Variants in HEATR4 observed in about 807,000 individuals in gnomAD.
HEATR4 encodes the protein HEAT repeat containing 4, also known as HEAT repeat-containing protein 4.
In HEATR4, 95 loss-of-function variants were observed where a neutral mutation model predicts 108.8. The observed-to-expected ratio is 0.87, with a 90% confidence interval of 0.74 to 1.04. The LOEUF (loss-of-function observed/expected upper bound fraction) is 1.04, where lower values mean the gene tolerates loss of function less well. HEATR4 is among the 50% of genes least tolerant of loss of function. The pLI, the probability that HEATR4 is intolerant of heterozygous loss-of-function variation, is 0.00. For synonymous variants in HEATR4, 443 were observed against 459.4 expected, an observed-to-expected ratio of 0.96 and a Z score of 0.46; for missense variants, 1,152 against 1,253.8, an observed-to-expected ratio of 0.92 and a Z score of 1.23.
chr14:73,562,680 C>T (rs1299673178), upstream of HEATR4, among the ~76,000 whole-genome samples: 4 of 152,004 alleles, frequency 2.6e-5, no homozygotes, highest in East Asian at 3.9e-4. Context: ...TATAAACGGC[C>T]GCTCTGGGAA....
At chr14:73,507,344 C>T (rs1284785724) in intron 9 of HEATR4, among the ~76,000 whole-genome samples, 2 of 152,126 alleles carry the variant, frequency 1.3e-5, no homozygotes, top group Non-Finnish European at 2.9e-5. Context: ...TTGTATACAC[C>T]TCTACACCCA....
upstream of HEATR4, among the ~76,000 whole-genome samples, chr14:73,562,460 G>C (rs920488190): frequency 6.6e-6 from 1 of 151,894 alleles, no homozygotes; most frequent in Non-Finnish European, 1.5e-5. Context: ...CCTTGAAAAA[G>C]AACAGAATAA....
At chr14:73,502,600 T>A (rs948828598) in intron 11 of HEATR4, among the ~76,000 whole-genome samples, 20 of 151,736 alleles carry the variant, frequency 1.3e-4, no homozygotes, top group African/African-American at 4.6e-4. Context: ...CAGGCTGGAG[T>A]GCAGTGGCGC....
chr14:73,596,799 A>G, the HEATR4 span, among the ~76,000 whole-genome samples: 20 of 151,930 alleles, frequency 1.3e-4, no homozygotes, highest in African/African-American at 2.2e-4. Flanking sequence ...GGGTTTCACT[A>G]TGTTGGCCAG....
the HEATR4 span, among the ~76,000 whole-genome samples, chr14:73,573,851 C>T: frequency 2.0e-5 from 3 of 152,082 alleles, no homozygotes; most frequent in East Asian, 3.9e-4. Context: ...CCCACCCTCC[C>T]GAGTAGTTGG....
chr14:73,588,932 G>C, the HEATR4 span, among the ~76,000 whole-genome samples: 1 of 151,774 alleles, frequency 6.6e-6, no homozygotes, highest in African/African-American at 2.4e-5. Context: ...ATATTTTAAA[G>C]CAGTTTCAGG....
chr14:73,587,907 AAC>A, the HEATR4 span, among the ~76,000 whole-genome samples: 10 of 152,208 alleles, frequency 6.6e-5, no homozygotes, highest in South Asian at 2.1e-4. Context: ...ATCTAAATAC[AAC>A]ACAGTCTTCT....
the HEATR4 span, among the ~76,000 whole-genome samples, chr14:73,570,141 A>C: frequency 2.0e-5 from 3 of 147,708 alleles, no homozygotes. Context: ...TGCCCTTTTC[A>C]CACGAAGAAG....
upstream of HEATR4, among the ~76,000 whole-genome samples, chr14:73,559,123 T>A (rs1398582392): frequency 1.3e-5 from 2 of 152,128 alleles, no homozygotes; most frequent in East Asian, 3.9e-4. Flanking sequence ...GAATGGTAGT[T>A]TCATGGAGTT....
chr14:73,597,755 G>C, the HEATR4 span, among the ~76,000 whole-genome samples: 4 of 151,576 alleles, frequency 2.6e-5, no homozygotes, highest in Admixed American at 1.3e-4. Context: ...CACCATGCCT[G>C]GCTAATTTTT....
intron 9 of HEATR4, among the ~76,000 whole-genome samples, chr14:73,507,508 G>A (rs183111421): frequency 9.9e-5 from 15 of 151,622 alleles, no homozygotes; most frequent in Admixed American, 5.3e-4. Context: ...ATCTCAGCTC[G>A]CTGCAGCCCC....
the HEATR4 span, among the ~76,000 whole-genome samples, chr14:73,615,388 T>TA: frequency 0.038 from 2,393 of 63,152 alleles, 200 homozygotes; most frequent in African/African-American, 0.11. Flanking sequence ...CTCTGTCTGA[T>TA]AAAAAAAAAA....
chr14:73,508,751 CA>C (rs770608293), intron 8 of HEATR4, among the ~76,000 whole-genome samples: 2,827 of 57,798 alleles, frequency 0.049, 49 homozygotes, highest in African/African-American at 0.13. Context: ...AACTCTGTCT[CA>C]AAAAAAAAAA....
rs1888847270 is a variant in HEATR4, at chr14:73,535,705, T to A, written c.-151-5461A>T. Among the ~76,000 whole-genome samples the A allele has an allele frequency of 2.7e-5, 3 of 112,650 alleles. 1 individual carries two copies. The South Asian group carries it at 8.4e-4, about 32-fold the overall frequency. 73.9% of individuals were successfully genotyped at this position (112,650 alleles called of 152,430 possible). A position where few individuals can be genotyped will look rare whatever the true frequency, so the allele number is the denominator to read the frequency against. ...TGTGTTAGCCAGGATGGTGTCGATC[T>A]GCTGACCTCGTGATCCACCCGCCTC... On this transcript the variant is annotated intron_variant, in intron 1 of 17. Coordinates refer to ENST00000553558, the MANE Select transcript of HEATR4 (RefSeq NM_001220484.1).
At chr14:73,579,560 G>A in the HEATR4 span, among the ~76,000 whole-genome samples, 5 of 138,544 alleles carry the variant, frequency 3.6e-5, no homozygotes, top group Non-Finnish European at 6.2e-5. Context: ...GGGCAAAAGG[G>A]CAAAAGCCGT....
intron 17 of HEATR4, among the ~76,000 whole-genome samples, chr14:73,479,489 G>C (rs182540933): frequency 6.2e-4 from 89 of 142,752 alleles, no homozygotes; most frequent in Non-Finnish European, 1.2e-3. Flanking sequence ...CCCAGGCTGG[G>C]GTGCAATGGT....
chr14:73,554,359 GGAAA>G (rs937370675), intron 1 of HEATR4, among the ~76,000 whole-genome samples: 1 of 115,314 alleles, frequency 8.7e-6, no homozygotes, highest in African/African-American at 2.8e-5. Context: ...TATTATAAAT[GGAAA>G]GAAAGTTTTG....
the HEATR4 span, among the ~76,000 whole-genome samples, chr14:73,626,369 G>A: frequency 1.3e-5 from 2 of 152,298 alleles, no homozygotes; most frequent in Admixed American, 6.5e-5. Flanking sequence ...GAGTTCACAA[G>A]CTGTAGGGTG....
chr14:73,537,871 G>A (rs1211161162), intron 1 of HEATR4: 3 of 1,196,050 alleles, frequency 2.5e-6, no homozygotes, highest in Admixed American at 5.9e-5. Context: ...CGCTCTTCCT[G>A]CCGCCAGGTG....
Sources: gnomAD v4.1 joint callset for allele counts (sites outside exome capture counted in the v4.1 genomes callset) on GRCh38, gnomAD v4.1.1 for gene constraint, MANE v1.5 for transcripts, NCBI Gene and HGNC (gene_info 2026-07-23, HGNC 2026-07-21) for gene names.